Variants in MED27 observed in about 807,000 individuals in gnomAD.
MED27 encodes the protein mediator complex subunit 27, also known as mediator of RNA polymerase II transcription subunit 27.
In MED27, 30 loss-of-function variants were observed where a neutral mutation model predicts 38.2. The observed-to-expected ratio is 0.79, with a 90% CI of 0.59 to 1.07. The LOEUF (loss-of-function observed/expected upper bound fraction) is 1.07. Among genes scored for constraint, MED27 ranks in the 50% least tolerant of loss-of-function variants. The pLI, the probability that MED27 is intolerant of heterozygous loss-of-function variation, is 0.00. For missense variants in MED27, 289 were observed against 397.5 expected, an observed-to-expected ratio of 0.73 and a Z score of 2.32; for synonymous variants, 122 against 153.5, an observed-to-expected ratio of 0.79 and a Z score of 1.52.
At chr9:132,010,847 A>G (rs1167926834) in intron 3 of MED27, among the ~76,000 whole-genome samples, 1 of 152,142 alleles carries the variant, frequency 6.6e-6, no homozygotes, top group Non-Finnish European at 1.5e-5. Context: ...ACACTTGGAC[A>G]CAGGAGGGGG....
intron 3 of MED27, among the ~76,000 whole-genome samples, chr9:131,962,216 T>A (rs1472725338): frequency 2.0e-5 from 3 of 152,202 alleles, no homozygotes; most frequent in Non-Finnish European, 4.4e-5. Context: ...TACAGCCACA[T>A]GGAGAAAAGT....
intron 4 of MED27, among the ~76,000 whole-genome samples, chr9:131,934,666 C>G (rs964749143): frequency 1.3e-5 from 2 of 151,958 alleles, no homozygotes; most frequent in Non-Finnish European, 2.9e-5. Flanking sequence ...CCTCAGAAAA[C>G]CAAAAAATAG....
rs144051408 is a variant in MED27 at position 131,987,593 on chromosome 9, T to C, written c.479+26744A>G. On this transcript the variant is annotated intron_variant, in intron 3 of 7. Transcript: ENST00000292035. ...AGAGATCAAACGGTTATTCAAATGA[T>C]ATTAAGTCAGTCTTTAAGGTATTTC... Among the ~76,000 whole-genome samples, 59 of 152,346 alleles carry C rather than the reference T, an allele frequency of 3.9e-4. No homozygotes were observed. The East Asian group carries it at 7.7e-3, about 20-fold the overall frequency.
chr9:131,888,440 C>T (rs1365018406), intron 5 of MED27, among the ~76,000 whole-genome samples: 3 of 152,194 alleles, frequency 2.0e-5, no homozygotes, highest in Admixed American at 6.5e-5. Flanking sequence ...CGGGGCTGCG[C>T]GCTCCCTAAG....
Position 131,889,696 on chromosome 9 carries a change from C to G in MED27, c.681+4189G>C, listed in dbSNP as rs1839197670. Among the ~76,000 whole-genome samples, 1 of 152,182 alleles carries G rather than the reference C, an allele frequency of 6.6e-6. No individual in the cohort carries two copies. Among genetic ancestry groups the G allele is most frequent in the Non-Finnish European group, 1.5e-5 (1 of 68,028 alleles). ...GGCTGGATTCTGATGGGGAAAAAACCTGCAAGGTCTGGAAATTAGGGGTGG... is the reference window on the plus strand; with the variant it reads ...GGCTGGATTCTGATGGGGAAAAAACGTGCAAGGTCTGGAAATTAGGGGTGG... On this transcript the variant is annotated intron_variant, in intron 5 of 7. Transcript: ENST00000292035. This position sits in a 1 kb window ranked among gnomAD's most constrained non-coding sequence, Gnocchi z 4.2.
At chr9:131,932,543 A>G (rs1185846903) in intron 4 of MED27, among the ~76,000 whole-genome samples, 1 of 152,140 alleles carries the variant, frequency 6.6e-6, no homozygotes, top group African/African-American at 2.4e-5. Context: ...ATAGACACAT[A>G]CAACCTACCG....
At chr9:131,874,451 G>C (rs1420559214) in intron 6 of MED27, among the ~76,000 whole-genome samples, 6 of 152,202 alleles carry the variant, frequency 3.9e-5, no homozygotes, top group Admixed American at 2.6e-4. Context: ...ACTGGGTACG[G>C]CTCACCTTGC....
chr9:132,007,002 T>C (rs1460929910), intron 3 of MED27, among the ~76,000 whole-genome samples: 1 of 152,216 alleles, frequency 6.6e-6, no homozygotes, highest in Non-Finnish European at 1.5e-5. Context: ...AATGATCTTC[T>C]TGGGAATTAA....
intron 4 of MED27, among the ~76,000 whole-genome samples, chr9:131,901,854 G>A (rs62583313): frequency 3.9e-5 from 6 of 152,144 alleles, no homozygotes; most frequent in Non-Finnish European, 8.8e-5. Context: ...CTAACAACCC[G>A]GGATTCAGCC....
At chr9:132,025,994 A>G (rs7020340) in intron 2 of MED27, among the ~76,000 whole-genome samples, 133,730 of 152,130 alleles carry the variant, frequency 0.88, 58,887 homozygotes, top group East Asian at 1. Flanking sequence ...GGGAAGGGGA[A>G]TGCACAGGAA....
At chr9:131,877,743 C>T (rs1838961957) in intron 6 of MED27, among the ~76,000 whole-genome samples, 2 of 152,160 alleles carry the variant, frequency 1.3e-5, no homozygotes, top group Non-Finnish European at 2.9e-5. Flanking sequence ...CAGTTTCCTT[C>T]CCTAGGAGTT....
rs2131503880 is a variant in MED27, at chr9:131,894,079, A to G, written c.574-87T>C. ...GTGAGAAGAAATGACCACCTGGCCA[A>G]TCCAGTGAGACTGGATTCATGGTGC... is the stretch of plus-strand genomic sequence containing the variant. On this transcript the variant is annotated intron_variant, in intron 4 of 7. Coordinates refer to ENST00000292035, the MANE Select transcript of MED27 (RefSeq NM_004269.4). 4.4e-6 allele frequency: 4 copies of G among 905,362 alleles called. No individual in the cohort carries two copies. The East Asian group carries it at 7.4e-5, about 17-fold the overall frequency. The allele number at this position is 905,362 out of a possible 1,614,324, so 56.1% of individuals were successfully genotyped here. A position where few individuals can be genotyped will look rare whatever the true frequency, so the allele number is the denominator to read the frequency against.
chr9:131,887,290 T>C (rs1839156108), intron 5 of MED27, among the ~76,000 whole-genome samples: 1 of 152,228 alleles, frequency 6.6e-6, no homozygotes, highest in African/African-American at 2.4e-5. Context: ...ACCACATTTA[T>C]TCAAAGTGAG....
At chr9:131,920,451 T>C (rs1474057104) in intron 4 of MED27, among the ~76,000 whole-genome samples, 1 of 152,166 alleles carries the variant, frequency 6.6e-6, no homozygotes, top group African/African-American at 2.4e-5. Context: ...CAATAATTAC[T>C]CAACACCTAC....
At chr9:131,977,640 C>A (rs922796543) in intron 3 of MED27, among the ~76,000 whole-genome samples, 5 of 152,118 alleles carry the variant, frequency 3.3e-5, no homozygotes, top group African/African-American at 1.2e-4. Context: ...AACAGCAGCA[C>A]CCCAATAGCC....
chr9:132,012,749 T>C (rs1475450643), intron 3 of MED27, among the ~76,000 whole-genome samples: 9 of 152,156 alleles, frequency 5.9e-5, no homozygotes, highest in African/African-American at 9.7e-5. Context: ...CTACAAATTA[T>C]GGCGTTAATT....
intron 3 of MED27, among the ~76,000 whole-genome samples, chr9:131,989,909 G>C (rs1316183575): frequency 1.3e-5 from 2 of 152,114 alleles, no homozygotes; most frequent in African/African-American, 4.8e-5. Flanking sequence ...CAAGTCACTG[G>C]GCCAGCAGAG....
chr9:132,065,674 G>T (rs1833794676), intron 2 of MED27, among the ~76,000 whole-genome samples: 1 of 152,224 alleles, frequency 6.6e-6, no homozygotes, highest in Non-Finnish European at 1.5e-5. Context: ...AAAGGTCAAG[G>T]CAATTCCTCT....
intron 2 of MED27, among the ~76,000 whole-genome samples, chr9:132,025,141 G>A (rs141972217): frequency 7.3e-4 from 111 of 151,442 alleles, no homozygotes; most frequent in African/African-American, 2.6e-3. Context: ...TATTAACAAT[G>A]GGCATGTTTT....
Sources: allele counts gnomAD v4.1 joint callset (sites outside exome capture counted in the v4.1 genomes callset), GRCh38; gene constraint gnomAD v4.1.1; non-coding constraint Gnocchi (gnomAD v3.1); transcripts MANE v1.5; gene names NCBI Gene and HGNC (gene_info 2026-07-23, HGNC 2026-07-21).